HELZ: variants seen among roughly 807,000 people sequenced by gnomAD.
The protein encoded by HELZ is ATP-dependent RNA helicase with zinc finger domain.
A neutral mutation model predicts 218.2 loss-of-function variants in HELZ; 23 were observed. That is an observed-to-expected ratio of 0.11 (90% CI 0.08 to 0.15). The LOEUF (loss-of-function observed/expected upper bound fraction) is 0.15. Among genes scored for constraint, HELZ ranks in the 10% least tolerant of loss-of-function variants. HELZ has a pLI of 1.00. For synonymous variants in HELZ, 814 were observed against 829.4 expected, an observed-to-expected ratio of 0.98 and a Z score of 0.32; for missense variants, 1,813 against 2,353.7, an observed-to-expected ratio of 0.77 and a Z score of 4.75.
In HELZ at chr17:67,138,126, A is replaced by AAC; in HGVS notation, c.2770-14_2770-13dup. ...ACCACTTCAAACACCTTTAAAAACA[A>AAC]ACACACACATACATATTAAAGTTAT... On this transcript the variant is annotated splice_polypyrimidine_tract_variant and intron_variant, in intron 21 of 32. Coordinates refer to ENST00000358691, the MANE Select transcript of HELZ (RefSeq NM_014877.4). The AAC allele has an allele frequency of 6.2e-7, 1 of 1,603,930 alleles. No homozygotes were observed. Among genetic ancestry groups the AAC allele is most frequent in the Non-Finnish European group, 8.5e-7 (1 of 1,173,718 alleles).
At chr17:67,120,284 C>T in intron 27 of HELZ, 121 bp downstream of exon 27, 1 of 808,196 alleles carries the variant, frequency 1.2e-6, no homozygotes, top group Non-Finnish European at 2.0e-6. Context: ...TAGATTCTCT[C>T]TCAAAGAGGT....
At chr17:67,218,855 T>C in intron 3 of HELZ, 33 bp from the exon 4 acceptor site, 1 of 1,486,620 alleles carries the variant, frequency 6.7e-7, no homozygotes. Context: ...AGAGAAGGTT[T>C]TTTAAACTTA....
intron 3 of HELZ, among the ~76,000 whole-genome samples, chr17:67,228,945 C>T (rs2040964997): frequency 6.6e-6 from 1 of 151,958 alleles, no homozygotes; most frequent in African/African-American, 2.4e-5. Context: ...CTCAAACTCC[C>T]AACCTCAGGT....
At chr17:67,204,490 TG>T (rs2040246613) in intron 5 of HELZ, among the ~76,000 whole-genome samples, 1 of 152,180 alleles carries the variant, frequency 6.6e-6, no homozygotes, top group Non-Finnish European at 1.5e-5. Flanking sequence ...GTATTTTCCA[TG>T]TGATCAGAGT....
At chr17:67,218,912 T>C in intron 3 of HELZ, 90 bp from the exon 4 acceptor site, 1 of 849,348 alleles carries the variant, frequency 1.2e-6, no homozygotes, top group Non-Finnish European at 1.9e-6. Flanking sequence ...GGCTTAATTA[T>C]CTATCTGAAT....
intron 31 of HELZ, among the ~76,000 whole-genome samples, chr17:67,091,319 A>G (rs1001076791): frequency 1.4e-4 from 21 of 152,262 alleles, no homozygotes; most frequent in Middle Eastern, 3.4e-3. Flanking sequence ...TAAGGCCTCA[A>G]TTCATTACTC....
chr17:67,240,459 A>G (rs2041289095), intron 2 of HELZ, among the ~76,000 whole-genome samples: 1 of 152,234 alleles, frequency 6.6e-6, no homozygotes, highest in South Asian at 2.1e-4. Context: ...ATAAGCATAC[A>G]GGAGTTTTGC....
At chr17:67,231,187 G>A (rs1446256295) in intron 3 of HELZ, among the ~76,000 whole-genome samples, 1 of 152,112 alleles carries the variant, frequency 6.6e-6, no homozygotes, top group Non-Finnish European at 1.5e-5. Flanking sequence ...AGACTAAGAA[G>A]ACAAAACTGC....
intron 21 of HELZ, among the ~76,000 whole-genome samples, chr17:67,143,802 G>T (rs897031596): frequency 2.0e-5 from 3 of 152,096 alleles, no homozygotes; most frequent in Non-Finnish European, 4.4e-5. Context: ...AATTTCAAAT[G>T]ATGTACAAAG....
chr17:67,159,760 AGTT>A (rs1326257649), intron 17 of HELZ, among the ~76,000 whole-genome samples: 5 of 152,100 alleles, frequency 3.3e-5, no homozygotes, highest in African/African-American at 1.2e-4. Flanking sequence ...TGGTAGCAAA[AGTT>A]GTTAAATACC....
In HELZ at chr17:67,145,320, A is replaced by G. The variant is rs150315972; in HGVS notation, c.2769+423T>C. On this transcript the variant is annotated intron_variant, in intron 21 of 32. Transcript: ENST00000358691. ...TTATATAAGTTGGAGCACATCATGG[A>G]ATTGCAACATCGCTGTCTGGGTCCC... Among the ~76,000 whole-genome samples, 505 of 152,316 alleles carry G rather than the reference A, an allele frequency of 3.3e-3. 1 individual carries two copies. The highest frequency in any genetic ancestry group is 0.011 in the African/African-American group (478 of 41,568).
At chr17:67,086,351 G>A (rs1242721566) in intron 32 of HELZ, among the ~76,000 whole-genome samples, 2 of 151,766 alleles carry the variant, frequency 1.3e-5, no homozygotes, top group Admixed American at 6.6e-5. Flanking sequence ...TTGGGAGGTC[G>A]AGGCGGGTCG....
chr17:67,238,362 A>G (rs2041240040), intron 3 of HELZ, among the ~76,000 whole-genome samples: 1 of 151,306 alleles, frequency 6.6e-6, no homozygotes. Context: ...AAAAAAAAAA[A>G]AAAAAAAAGG....
intron 17 of HELZ, among the ~76,000 whole-genome samples, chr17:67,159,015 C>T (rs1441485782): frequency 6.6e-6 from 1 of 152,124 alleles, no homozygotes; most frequent in African/African-American, 2.4e-5. Context: ...TCCTATGTAA[C>T]ACACACATGC....
At chr17:67,240,689 T>G (rs529725854) in intron 2 of HELZ, among the ~76,000 whole-genome samples, 2 of 152,342 alleles carry the variant, frequency 1.3e-5, no homozygotes, top group South Asian at 4.1e-4. Context: ...AAAGATGCCA[T>G]GCATTCTTTG....
At chr17:67,086,630 A>ATATACATATATT (rs1491544728) in intron 32 of HELZ, among the ~76,000 whole-genome samples, 199 bp downstream of exon 32, 1 of 52,816 alleles carries the variant, frequency 1.9e-5, no homozygotes, top group Non-Finnish European at 3.4e-5. Context: ...ATATAAATAT[A>ATATACATATATT]AATATATATA....
intron 3 of HELZ, among the ~76,000 whole-genome samples, chr17:67,229,963 G>A (rs183434273): frequency 5.3e-5 from 8 of 152,276 alleles, no homozygotes; most frequent in Admixed American, 5.2e-4. Context: ...TTCATAAAGA[G>A]GTAAATTCTC....
intron 6 of HELZ, 32 bp from the exon 7 acceptor site, chr17:67,201,217 A>C (rs762466107): frequency 1.4e-6 from 2 of 1,432,072 alleles, no homozygotes; most frequent in South Asian, 2.3e-5. Context: ...AGAAGAACCA[A>C]TTAGTATATT....
intron 12 of HELZ, among the ~76,000 whole-genome samples, chr17:67,182,263 G>A (rs751521183): frequency 2.6e-5 from 4 of 151,928 alleles, no homozygotes; most frequent in South Asian, 2.1e-4. Context: ...TCAACATGGC[G>A]AAACCCCATC....
Sources: gnomAD v4.1 joint callset for allele counts (sites outside exome capture counted in the v4.1 genomes callset) on GRCh38, gnomAD v4.1.1 for gene constraint, MANE v1.5 for transcripts, NCBI Gene and HGNC (gene_info 2026-07-23, HGNC 2026-07-21) for gene names.